The following GNL1 variants were observed in gnomAD, a reference collection of about 807,000 sequenced individuals.
GNL1 encodes guanine nucleotide-binding protein-like 1.
A neutral mutation model predicts 75.2 loss-of-function variants in GNL1; 21 were observed. That is an observed-to-expected ratio of 0.28 (90% CI 0.20 to 0.40). The LOEUF (loss-of-function observed/expected upper bound fraction) is 0.40, where lower values mean the gene tolerates loss of function less well. Among genes scored for constraint, GNL1 ranks in the 10% least tolerant of loss-of-function variants. The pLI is 1.00. For missense variants in GNL1, 579 were observed against 775.0 expected, an observed-to-expected ratio of 0.75 and a Z score of 3.00; for synonymous variants, 287 against 303.4, an observed-to-expected ratio of 0.95 and a Z score of 0.56.
rs777610886 is a variant in GNL1, at chr6:30,554,860, T to C, written c.432A>G (p.Leu144=). The C allele has an allele frequency of 2.5e-6, 4 of 1,612,524 alleles. No individual in the cohort carries two copies. The South Asian group carries it at 4.4e-5, about 18-fold the overall frequency. The change falls in exon 4 of 12, where the codon CTA becomes CTG. Residue 144 remains leucine (L), a synonymous_variant. Transcript: ENST00000376621. ...GGAAGCTCCGTTCCTCTTGGCTCAT[T>C]AGTTGCTCCTTGGACATCTCATAGC... is the stretch of plus-strand genomic sequence containing the variant. ...PWSYEMSKEQ[L]MSQEERSFQD...
At position 30,546,989 on chromosome 6, in the gene GNL1, A is replaced by G; in HGVS notation, c.1441+123T>C. On this transcript the variant is annotated intron_variant, in intron 10 of 11. Transcript: ENST00000376621. The surrounding 1 kb of genome is among the most constrained non-coding windows in gnomAD (Gnocchi z 5.1). ...AACAAAAATCTAGGGGTGAGTGGAC[A>G]GCAGCTTCATCAATGGCAGAATCTC... The G allele has an allele frequency of 9.0e-7, 1 of 1,115,120 alleles. No individual in the cohort carries two copies. Among genetic ancestry groups the G allele is most frequent in the Non-Finnish European group, 1.3e-6 (1 of 741,542 alleles). 69.1% of individuals were successfully genotyped at this position (1,115,120 alleles called of 1,614,324 possible).
At position 30,555,641 on chromosome 6, in the gene GNL1, C is replaced by G. The variant is rs574990020; in HGVS notation, c.153G>C (p.Ser51=). ...RERREEQTDT[S]DGESVTHHIR... ...TATGATGGGTCACAGACTCCCCGTC[C>G]GAGGTGTCGGTCTGTTCCTCTCGCC... The change falls in exon 2 of 12, where the codon TCG becomes TCC. Residue 51 remains serine (S), a synonymous_variant. Coordinates refer to ENST00000376621, the MANE Select transcript of GNL1 (RefSeq NM_005275.5). The surrounding 1 kb of genome is among the most constrained non-coding windows in gnomAD (Gnocchi z 4.3). The G allele has an allele frequency of 5.0e-6, 8 of 1,614,086 alleles. No individual in the cohort carries two copies. The highest frequency in any genetic ancestry group is 5.9e-6 in the Non-Finnish European group (7 of 1,180,000).
Position 30,546,688 on chromosome 6 carries a change from G to A in GNL1, c.1582+8C>T. The A allele has an allele frequency of 6.3e-7, 1 of 1,599,000 alleles. No homozygotes were observed. The highest frequency in any genetic ancestry group is 2.2e-5 in the East Asian group (1 of 44,550). ...CAGGGGGCTGGGGAAGAATATCTGG[G>A]CTCTGACCTTTCTGTTCACTGTAGC... On this transcript the variant is annotated splice_region_variant and intron_variant, in intron 11 of 11. Coordinates refer to ENST00000376621, the MANE Select transcript of GNL1 (RefSeq NM_005275.5). The surrounding 1 kb of genome is among the most constrained non-coding windows in gnomAD (Gnocchi z 5.1).
rs1800120320 is a variant in GNL1 at position 30,555,742 on chromosome 6, G to A, written c.74-22C>T. 1.2e-6 allele frequency: 2 copies of A among 1,610,252 alleles called. No individual in the cohort carries two copies. Among genetic ancestry groups the A allele is most frequent in the Non-Finnish European group, 1.7e-6 (2 of 1,178,102 alleles). On this transcript the variant is annotated intron_variant, in intron 1 of 11. Coordinates refer to ENST00000376621, the MANE Select transcript of GNL1 (RefSeq NM_005275.5). The surrounding 1 kb of genome is among the most constrained non-coding windows in gnomAD (Gnocchi z 4.3). Reference sequence around the variant, plus strand: ...AGCCCTGCGGGGAGGGGCCGGTGACGCCAGTGCTGGCCAGCTCTCAGGGGC... The same window carrying A: ...AGCCCTGCGGGGAGGGGCCGGTGACACCAGTGCTGGCCAGCTCTCAGGGGC...
Position 30,554,883 on chromosome 6 carries a change from A to G in GNL1, c.409T>C (p.Tyr137His). Reference sequence around the variant, plus strand: ...ATTAGTTGCTCCTTGGACATCTCATAGCTCCAAGGAGGACGTCGAGGAAAG... The same window carrying G: ...ATTAGTTGCTCCTTGGACATCTCATGGCTCCAAGGAGGACGTCGAGGAAAG... ...LDFPRRPPWS[Y>H]EMSKEQLMSQ... is the part of the protein sequence containing the mutation. Residue 137 changes from tyrosine (Y) to histidine (H), a missense_variant, in exon 4 of 12, where the codon TAT (tyrosine) becomes CAT (histidine). Coordinates refer to ENST00000376621, the MANE Select transcript of GNL1 (RefSeq NM_005275.5). 6.2e-7 allele frequency: 1 copy of G among 1,612,872 alleles called. No individual in the cohort carries two copies. Among genetic ancestry groups the G allele is most frequent in the Non-Finnish European group, 8.5e-7 (1 of 1,179,862 alleles).
At chr6:30,554,317 T>C (rs558211350) in intron 5 of GNL1, among the ~76,000 whole-genome samples, 1 of 152,270 alleles carries the variant, frequency 6.6e-6, no homozygotes, top group South Asian at 2.1e-4. Context: ...GCTCCAACAC[T>C]TGGATTTTCT....
At chr6:30,551,768 T>C (rs1344589350) in intron 8 of GNL1, among the ~76,000 whole-genome samples, 1 of 152,222 alleles carries the variant, frequency 6.6e-6, no homozygotes, top group African/African-American at 2.4e-5. Context: ...GTAAGCACCA[T>C]ATAAATACTG....
rs1582485833 is a variant in GNL1 at position 30,544,022 on chromosome 6, G to T, written c.*2050C>A. The T allele has an allele frequency of 1.3e-5, 2 of 152,198 alleles. No individual in the cohort carries two copies. The highest frequency in any genetic ancestry group is 2.9e-5 in the Non-Finnish European group (2 of 68,068). The allele number at this position is 152,198 out of a possible 1,614,324, so 9.4% of individuals were successfully genotyped here. On this transcript the variant is annotated 3_prime_UTR_variant, in exon 12 of 12. Coordinates refer to ENST00000376621, the MANE Select transcript of GNL1 (RefSeq NM_005275.5). ...AGCGTGGAGGGGAGACTGGGCCCTT[G>T]GTTTCCTGTGTCTTTGTAGTCAGTT...
In GNL1 at chr6:30,544,255, T is replaced by C. The variant is rs533862957; in HGVS notation, c.*1817A>G. 59 of 152,100 alleles carry C rather than the reference T, an allele frequency of 3.9e-4. No homozygotes were observed. The highest frequency in any genetic ancestry group is 1.4e-3 in the African/African-American group (56 of 41,448). 9.4% of individuals were successfully genotyped at this position (152,100 alleles called of 1,614,324 possible). ...TCCTCAGCTCCCAGTCAATTCTTCATCCCCACCCCTAGACTCTCCCAAATA... is the reference window on the plus strand; with the variant it reads ...TCCTCAGCTCCCAGTCAATTCTTCACCCCCACCCCTAGACTCTCCCAAATA... On this transcript the variant is annotated 3_prime_UTR_variant, in exon 12 of 12. Transcript: ENST00000376621.
chr6:30,553,130 C>T lies in GNL1; in HGVS notation c.858G>A (p.Gly286=). 1.2e-6 allele frequency: 2 copies of T among 1,613,830 alleles called. No homozygotes were observed. The highest frequency in any genetic ancestry group is 1.1e-5 in the South Asian group (1 of 91,072). ...CACAGGCTCTCAGCAACTGCTCTGG[C>T]CCCAGGGCCCGAGTCCATCCTCTCC... ...RRGRGWTRAL[G]PEQLLRACEA... Residue 286 remains glycine (G), a synonymous_variant, in exon 7 of 12, where the codon GGG becomes GGA. Coordinates refer to ENST00000376621, the MANE Select transcript of GNL1 (RefSeq NM_005275.5).
rs1799538990 is a variant in GNL1, at chr6:30,547,740, C to T, written c.1100-210G>A. The T allele has an allele frequency of 1.7e-6, 1 of 572,044 alleles. No individual in the cohort carries two copies. The highest frequency in any genetic ancestry group is 2.4e-5 in the South Asian group (1 of 42,064). The allele number at this position is 572,044 out of a possible 1,614,324, so 35.4% of individuals were successfully genotyped here. A position where few individuals can be genotyped will look rare whatever the true frequency, so the allele number is the denominator to read the frequency against. ...TCAGGGCAACTAACTTTCTGAGCCT[C>T]TGTTTCTTCATTTTACAGTGTGGAC... is the stretch of plus-strand genomic sequence containing the variant. On this transcript the variant is annotated intron_variant, in intron 8 of 11. Transcript: ENST00000376621. The surrounding 1 kb of genome is among the most constrained non-coding windows in gnomAD (Gnocchi z 5.5).
rs765851648 is a variant in GNL1 at position 30,555,734 on chromosome 6, C to G, written c.74-14G>C. 1.2e-6 allele frequency: 2 copies of G among 1,612,204 alleles called. No individual in the cohort carries two copies. ...CATCTTGAAGCCCTGCGGGGAGGGGCCGGTGACGCCAGTGCTGGCCAGCTC... is the reference window on the plus strand; with the variant it reads ...CATCTTGAAGCCCTGCGGGGAGGGGGCGGTGACGCCAGTGCTGGCCAGCTC... On this transcript the variant is annotated splice_polypyrimidine_tract_variant and intron_variant, in intron 1 of 11. Transcript: ENST00000376621. This position sits in a 1 kb window ranked among gnomAD's most constrained non-coding sequence, Gnocchi z 4.3.
At position 30,555,074 on chromosome 6, in the gene GNL1, C is replaced by T; in HGVS notation, c.357G>A (p.Glu119=). 3.1e-6 allele frequency: 5 copies of T among 1,612,996 alleles called. No homozygotes were observed. The South Asian group carries it at 4.4e-5, about 14-fold the overall frequency. Residue 119 remains glutamate, a synonymous_variant, in exon 3 of 12, where the codon GAG becomes GAA. Transcript: ENST00000376621. The surrounding 1 kb of genome is among the most constrained non-coding windows in gnomAD (Gnocchi z 4.3). Reference sequence around the variant, plus strand: ...ACTCACCTGAGCCAGGCTGATACACCTCCCGGATGTCCAGCTCCAACAACT... The same window carrying T: ...ACTCACCTGAGCCAGGCTGATACACTTCCCGGATGTCCAGCTCCAACAACT... ...SAELLELDIR[E]VYQPGSVLDF... is the part of the protein sequence containing the mutation.
chr6:30,554,679 AAC>A (rs772711080), intron 4 of GNL1, 33 bp from the exon 5 acceptor site: 3 of 1,594,864 alleles, frequency 1.9e-6, no homozygotes, highest in Non-Finnish European at 8.6e-7. Context: ...AGAAACTGAA[AAC>A]AGAGTCCCTC....
At position 30,554,555 on chromosome 6, in the gene GNL1, C is replaced by A. The variant is rs774092898; in HGVS notation, c.600+20G>T. The A allele has an allele frequency of 6.7e-7, 1 of 1,488,832 alleles. No individual in the cohort carries two copies. The highest frequency in any genetic ancestry group is 9.4e-7 in the Non-Finnish European group (1 of 1,066,702). 92.2% of individuals were successfully genotyped at this position (1,488,832 alleles called of 1,614,324 possible). A position where few individuals can be genotyped will look rare whatever the true frequency, so the allele number is the denominator to read the frequency against. ...AACCTTTCTCCCTCCTCCTTGCCCACCCTTATCCCTAGTACTCACTGGATG... is the reference window on the plus strand; with the variant it reads ...AACCTTTCTCCCTCCTCCTTGCCCAACCTTATCCCTAGTACTCACTGGATG... On this transcript the variant is annotated intron_variant, in intron 5 of 11. Coordinates refer to ENST00000376621, the MANE Select transcript of GNL1 (RefSeq NM_005275.5).
Position 30,546,463 on chromosome 6 carries a change from G to C in GNL1, c.1583-150C>G. On this transcript the variant is annotated intron_variant, in intron 11 of 11. Coordinates refer to ENST00000376621, the MANE Select transcript of GNL1 (RefSeq NM_005275.5). The surrounding 1 kb of genome is among the most constrained non-coding windows in gnomAD (Gnocchi z 5.1). ...TTCATCCATTCATTCAACTTCCTAT[G>C]TGCAGATTGCTGAACAGAACCTTTG... 1 of 688,352 alleles carries C rather than the reference G, an allele frequency of 1.5e-6. No individual in the cohort carries two copies. The highest frequency in any genetic ancestry group is 1.8e-5 in the African/African-American group (1 of 55,146). 42.6% of individuals were successfully genotyped at this position (688,352 alleles called of 1,614,324 possible).
chr6:30,556,298 C>T lies in GNL1; in HGVS notation c.-95G>A. The T allele has an allele frequency of 7.0e-7, 1 of 1,438,594 alleles. No homozygotes were observed. Among genetic ancestry groups the T allele is most frequent in the African/African-American group, 1.4e-5 (1 of 71,492 alleles). The allele number at this position is 1,438,594 out of a possible 1,614,324, so 89.1% of individuals were successfully genotyped here. The stretch of plus-strand genomic sequence containing the variant: ...AGCCCCCGCCGCAGGGGCCCGGGAC[C>T]CTAGAGGAGGCGGGGCTAGCAGGTG... On this transcript the variant is annotated 5_prime_UTR_variant, in exon 1 of 12. Coordinates refer to ENST00000376621, the MANE Select transcript of GNL1 (RefSeq NM_005275.5). The surrounding 1 kb of genome is among the most constrained non-coding windows in gnomAD (Gnocchi z 5.7).
In GNL1 at chr6:30,543,229, T is replaced by A. The variant is rs1799268673; in HGVS notation, c.*2843A>T. Reference sequence around the variant, plus strand: ...TTGGCAGTCTGACATAACTTTATACTAATGCAGCTTCTAGCCCTGTCCCCC... The same window carrying A: ...TTGGCAGTCTGACATAACTTTATACAAATGCAGCTTCTAGCCCTGTCCCCC... On this transcript the variant is annotated 3_prime_UTR_variant, in exon 12 of 12. Coordinates refer to ENST00000376621, the MANE Select transcript of GNL1 (RefSeq NM_005275.5). 1 of 152,288 alleles carries A rather than the reference T, an allele frequency of 6.6e-6. No individual in the cohort carries two copies. Among genetic ancestry groups the A allele is most frequent in the African/African-American group, 2.4e-5 (1 of 41,460 alleles). 9.4% of individuals were successfully genotyped at this position (152,288 alleles called of 1,614,324 possible). A position where few individuals can be genotyped will look rare whatever the true frequency, so the allele number is the denominator to read the frequency against.
Position 30,554,625 on chromosome 6 carries a change from C to T in GNL1, c.550G>A (p.Val184Met). The change falls in exon 5 of 12, where the codon GTG becomes ATG. Residue 184 changes from valine to methionine, a missense_variant. Physicochemically the swap from Val to Met is conservative, Grantham distance 21. Transcript: ENST00000376621. The stretch of plus-strand genomic sequence containing the variant: ...AGGACGATGTCAGACATCTCTAACA[C>T]CCGCCACAGCTGCCTCCATGTCTAA... Reference protein sequence around the residue: ...NLETWRQLWRVLEMSDIVLLI... With the variant: ...NLETWRQLWRMLEMSDIVLLI... 2 of 1,607,446 alleles carry T rather than the reference C, an allele frequency of 1.2e-6. No individual in the cohort carries two copies. Among genetic ancestry groups the T allele is most frequent in the Non-Finnish European group, 1.7e-6 (2 of 1,174,894 alleles).
Sources: allele counts gnomAD v4.1 joint callset (sites outside exome capture counted in the v4.1 genomes callset), GRCh38; gene constraint gnomAD v4.1.1; non-coding constraint Gnocchi (gnomAD v3.1); transcripts MANE v1.5; gene names NCBI Gene and HGNC (gene_info 2026-07-23, HGNC 2026-07-21).